The following NPFFR2 variants were observed in gnomAD, a reference collection of about 807,000 sequenced individuals.
The protein encoded by NPFFR2 is G-protein coupled receptor 74.
In NPFFR2, 15 loss-of-function variants were observed where a neutral mutation model predicts 13.1. That is an observed-to-expected ratio of 1.15 (90% CI 0.77 to 1.76). The LOEUF (loss-of-function observed/expected upper bound fraction) is 1.76, where lower values mean the gene tolerates loss of function less well. Ranked by LOEUF, NPFFR2 falls within the 40% of genes most tolerant of loss-of-function variation. The probability of loss-of-function intolerance (pLI) is 0.00; values close to 1 mark genes in which losing one functional copy is unlikely to be tolerated. For synonymous variants in NPFFR2, 190 were observed against 175.7 expected, an observed-to-expected ratio of 1.08 and a Z score of -0.65; for missense variants, 572 against 503.5, an observed-to-expected ratio of 1.14 and a Z score of -1.30.
intron 1 of NPFFR2, among the ~76,000 whole-genome samples, chr4:72,086,559 T>G (rs529102946): frequency 6.6e-4 from 100 of 152,296 alleles, no homozygotes; most frequent in South Asian, 2.1e-3. Flanking sequence ...TTTATATGTT[T>G]ATTCTGATTT....
intron 1 of NPFFR2, among the ~76,000 whole-genome samples, chr4:72,127,550 A>G: frequency 7.0e-6 from 1 of 142,162 alleles, no homozygotes; most frequent in East Asian, 2.2e-4. Context: ...TTTTTAGTAG[A>G]GACGGGGTTT....
At chr4:72,123,392 G>C (rs904060203) in intron 1 of NPFFR2, among the ~76,000 whole-genome samples, 32 of 152,132 alleles carry the variant, frequency 2.1e-4, no homozygotes, top group Non-Finnish European at 5.9e-5. Flanking sequence ...AGAAAAAGAG[G>C]GACTCCTCCC....
intron 1 of NPFFR2, among the ~76,000 whole-genome samples, chr4:72,073,590 A>G (rs892553132): frequency 6.6e-6 from 1 of 152,092 alleles, no homozygotes; most frequent in African/African-American, 2.4e-5. Flanking sequence ...TAAAAAAATT[A>G]TTAGTGTCAA....
intron 1 of NPFFR2, among the ~76,000 whole-genome samples, chr4:72,074,882 C>T (rs79645345): frequency 0.067 from 8,015 of 120,380 alleles, 771 homozygotes; most frequent in East Asian, 0.52. Flanking sequence ...AAACTAATGT[C>T]AGACAACATA....
intron 1 of NPFFR2, among the ~76,000 whole-genome samples, chr4:72,111,603 C>T (rs775074385): frequency 3.3e-5 from 5 of 151,950 alleles, no homozygotes; most frequent in Admixed American, 6.6e-5. Context: ...ATCTCTTGTA[C>T]GTTCCTGGAA....
chr4:72,123,499 G>C (rs1293648004), intron 1 of NPFFR2, among the ~76,000 whole-genome samples: 3 of 152,160 alleles, frequency 2.0e-5, no homozygotes, highest in Admixed American at 2.0e-4. Context: ...GATGAACATT[G>C]ATGCAAAAAT....
At chr4:72,052,700 C>A (rs1171748149) in intron 1 of NPFFR2, among the ~76,000 whole-genome samples, 3 of 152,002 alleles carry the variant, frequency 2.0e-5, no homozygotes, top group Non-Finnish European at 4.4e-5. Context: ...CTTTCCCTTT[C>A]CAGGTCTTTT....
intron 1 of NPFFR2, among the ~76,000 whole-genome samples, chr4:72,127,023 C>T (rs116031382): frequency 0.039 from 5,976 of 152,028 alleles, 316 homozygotes; most frequent in African/African-American, 0.12. Context: ...GACATATAGG[C>T]CGGGTGCGGT....
chr4:72,110,836 C>T (rs1025493915), intron 1 of NPFFR2, among the ~76,000 whole-genome samples: 3 of 151,946 alleles, frequency 2.0e-5, no homozygotes, highest in Non-Finnish European at 4.4e-5. Context: ...CATCACCACC[C>T]TCCAAAAATC....
At chr4:72,123,922 G>A (rs1436431414) in intron 1 of NPFFR2, among the ~76,000 whole-genome samples, 1 of 152,142 alleles carries the variant, frequency 6.6e-6, no homozygotes, top group African/African-American at 2.4e-5. Context: ...AAGGCAATCA[G>A]GCAACAGAAA....
intron 1 of NPFFR2, among the ~76,000 whole-genome samples, chr4:72,100,410 C>T (rs932200440): frequency 6.6e-6 from 1 of 152,030 alleles, no homozygotes; most frequent in South Asian, 2.1e-4. Context: ...ATAGGTGTTA[C>T]AGTACCTGAA....
chr4:72,053,977 G>C (rs533136265), intron 1 of NPFFR2, among the ~76,000 whole-genome samples: 1 of 151,798 alleles, frequency 6.6e-6, no homozygotes, highest in Admixed American at 6.6e-5. Context: ...TGAATAGCAT[G>C]TTCATATTTT....
intron 1 of NPFFR2, among the ~76,000 whole-genome samples, chr4:72,034,852 A>G (rs183604486): frequency 6.6e-6 from 1 of 152,276 alleles, no homozygotes; most frequent in African/African-American, 2.4e-5. Context: ...AAAAGATGCA[A>G]TGGTCCCTAT....
At chr4:72,146,896 G>A in intron 3 of NPFFR2, 82 bp from the exon 4 acceptor site, 8 of 926,892 alleles carry the variant, frequency 8.6e-6, no homozygotes, top group South Asian at 7.9e-5. Flanking sequence ...TGAGAGGCCT[G>A]TAACTACATA....
Position 72,147,291 on chromosome 4 carries a change from AG to A in NPFFR2, c.745del (p.Ala249LeufsTer29). ...MYGRIGISLF[R>X]AAVPHTGRKN... is the part of the protein sequence containing the mutation. ...TGGAAGGATTGGAATTTCACTCTTCAGGGCTGCAGTTCCTCACACAGGCAGG... is the reference window on the plus strand; with the variant it reads ...TGGAAGGATTGGAATTTCACTCTTCAGGCTGCAGTTCCTCACACAGGCAGG... On this transcript the variant is annotated frameshift_variant, in exon 4 of 4. Transcript: ENST00000308744. LOFTEE classifies it low-confidence loss of function (END_TRUNC). 6.2e-7 allele frequency: 1 copy of A among 1,613,470 alleles called. No individual in the cohort carries two copies.
intron 1 of NPFFR2, among the ~76,000 whole-genome samples, chr4:72,112,109 C>T (rs897552392): frequency 2.6e-5 from 4 of 152,004 alleles, no homozygotes; most frequent in Non-Finnish European, 5.9e-5. Flanking sequence ...CTTTTTCAGA[C>T]TCAATGACTT....
chr4:72,063,327 T>G (rs188977347), intron 1 of NPFFR2, among the ~76,000 whole-genome samples: 1 of 152,292 alleles, frequency 6.6e-6, no homozygotes, highest in East Asian at 1.9e-4. Context: ...TCAGAAGCAA[T>G]TATTCATTCC....
chr4:72,078,285 C>T (rs1331068034), intron 1 of NPFFR2, among the ~76,000 whole-genome samples: 2 of 152,022 alleles, frequency 1.3e-5, no homozygotes, highest in Admixed American at 1.3e-4. Flanking sequence ...ATAAGAATGT[C>T]TTCTAAAATC....
intron 1 of NPFFR2, among the ~76,000 whole-genome samples, chr4:72,036,527 T>C (rs1453109189): frequency 6.9e-6 from 1 of 144,662 alleles, no homozygotes; most frequent in African/African-American, 2.6e-5. Context: ...ATATAATGTA[T>C]ATATACATTT....
Sources: gnomAD v4.1 joint callset for allele counts (sites outside exome capture counted in the v4.1 genomes callset) on GRCh38, gnomAD v4.1.1 for gene constraint, MANE v1.5 for transcripts, NCBI Gene and HGNC (gene_info 2026-07-23, HGNC 2026-07-21) for gene names.